The following NUDCD3 variants were observed in gnomAD, a reference collection of about 807,000 sequenced individuals.
The protein encoded by NUDCD3 is NudC domain containing 3, also known as nudC domain-containing protein 3.
A neutral mutation model predicts 39.7 loss-of-function variants in NUDCD3; 13 were observed. The ratio of observed to expected loss-of-function variants is 0.33; its 90% CI spans 0.21 to 0.52. The LOEUF is 0.52. Ranked by LOEUF, NUDCD3 falls within the 20% of genes least tolerant of loss-of-function variation. The pLI, the probability that NUDCD3 is intolerant of heterozygous loss-of-function variation, is 0.96. For missense variants in NUDCD3, 453 were observed against 458.1 expected (o/e 0.99, Z 0.10); for synonymous variants, 175 against 172.4 (o/e 1.02, Z -0.12).
intron 1 of NUDCD3, among the ~76,000 whole-genome samples, chr7:44,488,446 T>C (rs1000899668): frequency 6.6e-6 from 1 of 152,082 alleles, no homozygotes. Flanking sequence ...CTGGAGACTG[T>C]TGTCCCCTTG....
At chr7:44,455,809 G>A (rs895732378) in intron 2 of NUDCD3, among the ~76,000 whole-genome samples, 25 of 151,684 alleles carry the variant, frequency 1.6e-4, no homozygotes, top group South Asian at 2.1e-4. Flanking sequence ...GGCGGATCAC[G>A]AGGTCAGGAG....
chr7:44,469,488 T>C (rs2116962609), intron 2 of NUDCD3, among the ~76,000 whole-genome samples: 1 of 152,294 alleles, frequency 6.6e-6, no homozygotes, highest in South Asian at 2.1e-4. Flanking sequence ...GTAATAATTG[T>C]TTCAGGCAAG....
chr7:44,462,990 T>C (rs1585095839), intron 2 of NUDCD3, among the ~76,000 whole-genome samples: 1 of 135,870 alleles, frequency 7.4e-6, no homozygotes, highest in South Asian at 2.3e-4. Context: ...TGTGTGTGTG[T>C]ATACACAAAG....
intron 4 of NUDCD3, among the ~76,000 whole-genome samples, chr7:44,396,289 A>G (rs1007065850): frequency 4.6e-5 from 7 of 152,228 alleles, no homozygotes; most frequent in Non-Finnish European, 8.8e-5. Context: ...GGCAGCAAAC[A>G]GGACCTGAGG....
intron 3 of NUDCD3, chr7:44,426,424 C>T (rs1799236744): frequency 6.6e-6 from 1 of 152,258 alleles, no homozygotes. Context: ...CCAAGTCAAC[C>T]TTAGAAAAGA....
intron 2 of NUDCD3, among the ~76,000 whole-genome samples, chr7:44,467,192 A>C (rs1368804478): frequency 1.3e-5 from 2 of 152,210 alleles, no homozygotes; most frequent in African/African-American, 4.8e-5. Context: ...AAGATAGAAA[A>C]GTTATGACAG....
intron 3 of NUDCD3, among the ~76,000 whole-genome samples, chr7:44,410,262 A>G (rs1798897861): frequency 6.6e-6 from 1 of 152,224 alleles, no homozygotes; most frequent in South Asian, 2.1e-4. Context: ...AACAGAACAA[A>G]AACAAGGAAT....
rs1406792885 is a variant in NUDCD3 at position 44,490,510 on chromosome 7, A to G, written c.91T>C (p.Phe31Leu). Residue 31 changes from phenylalanine (F) to leucine (L), a missense_variant, in exon 1 of 6, where the codon TTT becomes CTT. Phe to Leu is a conservative substitution (Grantham distance 22). Coordinates refer to ENST00000355451, the MANE Select transcript of NUDCD3 (RefSeq NM_015332.4). ...TCTGTCTTGCGGTAGAGGAAGCCAA[A>G]GAGAACGCGCAGGAAATCCTGGACG... ...GNVQDFLRVL[F>L]GFLYRKTDFY... The G allele has an allele frequency of 6.2e-7, 1 of 1,611,438 alleles. No individual in the cohort carries two copies. Among genetic ancestry groups the G allele is most frequent in the African/African-American group, 1.3e-5 (1 of 74,738 alleles).
At chr7:44,452,453 A>T (rs1434906084) in intron 2 of NUDCD3, among the ~76,000 whole-genome samples, 1 of 152,116 alleles carries the variant, frequency 6.6e-6, no homozygotes, top group Non-Finnish European at 1.5e-5. Flanking sequence ...GGACTCCTTT[A>T]CTCATTTAAG....
intron 5 of NUDCD3, among the ~76,000 whole-genome samples, 196 bp downstream of exon 5, chr7:44,392,101 A>C (rs890572840): frequency 2.0e-5 from 3 of 152,212 alleles, no homozygotes; most frequent in Non-Finnish European, 2.9e-5. Context: ...CAGCTGAAAG[A>C]CCAGAGTGCA....
chr7:44,473,936 A>G (rs1193534249), intron 2 of NUDCD3, among the ~76,000 whole-genome samples: 1 of 152,238 alleles, frequency 6.6e-6, no homozygotes, highest in Non-Finnish European at 1.5e-5. Context: ...TGATTCAAAC[A>G]AAACTTTCTT....
chr7:44,406,303 C>T (rs779388712), intron 3 of NUDCD3, among the ~76,000 whole-genome samples: 4 of 152,314 alleles, frequency 2.6e-5, no homozygotes, highest in South Asian at 2.1e-4. Context: ...GAATTTACCA[C>T]GGAAAAGGGT....
rs1374800708 is a variant in NUDCD3 at position 44,422,364 on chromosome 7, A to T, written c.642+5207T>A. 2.0e-5 allele frequency among the ~76,000 whole-genome samples: 3 copies of T among 152,242 alleles called. No individual in the cohort carries two copies. The East Asian group carries it at 5.8e-4, about 29-fold the overall frequency. ...AATGAATCCAGGAGCTGTTTTTTTT[A>T]AAAGATTAACAAAATAGACCACTAA... On this transcript the variant is annotated intron_variant, in intron 3 of 5. Transcript: ENST00000355451.
chr7:44,490,355 GT>G, intron 1 of NUDCD3, 53 bp downstream of exon 1: 1 of 1,454,344 alleles, frequency 6.9e-7, no homozygotes, highest in Non-Finnish European at 9.0e-7. Flanking sequence ...GGCGCCAGGA[GT>G]CAGGGCAGGC....
chr7:44,484,380 T>C (rs1227147368), intron 2 of NUDCD3: 1 of 152,494 alleles, frequency 6.6e-6, no homozygotes, highest in Non-Finnish European at 1.5e-5. Flanking sequence ...CAAGCTCTAC[T>C]GCTCATTAGC....
chr7:44,464,613 C>G (rs1312806113), intron 2 of NUDCD3, among the ~76,000 whole-genome samples: 1 of 152,208 alleles, frequency 6.6e-6, no homozygotes, highest in Admixed American at 6.5e-5. Context: ...ACCACCAAAC[C>G]CAGCTAATTT....
rs57243207 is a variant in NUDCD3 at position 44,393,865 on chromosome 7, C to T, written c.787-1380G>A. The stretch of plus-strand genomic sequence containing the variant: ...AGGGTAACTGTGACACTCAAGAGGT[C>T]ACAGTGAGTCCACAGGACACCACGT... On this transcript the variant is annotated intron_variant, in intron 4 of 5. Coordinates refer to ENST00000355451, the MANE Select transcript of NUDCD3 (RefSeq NM_015332.4). Among the ~76,000 whole-genome samples the T allele has an allele frequency of 8.9e-4, 136 of 152,238 alleles. No homozygotes were observed. In the East Asian group the frequency reaches 0.024, roughly 27 times the overall value.
At chr7:44,473,245 C>A (rs1800292809) in intron 2 of NUDCD3, among the ~76,000 whole-genome samples, 1 of 152,186 alleles carries the variant, frequency 6.6e-6, no homozygotes, top group African/African-American at 2.4e-5. Context: ...AGCAAGGACC[C>A]AAGCATTTTA....
At chr7:44,446,202 T>C (rs759335857) in intron 2 of NUDCD3, among the ~76,000 whole-genome samples, 3 of 152,208 alleles carry the variant, frequency 2.0e-5, no homozygotes, top group Non-Finnish European at 4.4e-5. Flanking sequence ...TGTGTAGTCA[T>C]ACTCTCATGA....
Sources: gnomAD v4.1 joint callset for allele counts (sites outside exome capture counted in the v4.1 genomes callset) on GRCh38, gnomAD v4.1.1 for gene constraint, MANE v1.5 for transcripts, NCBI Gene and HGNC (gene_info 2026-07-23, HGNC 2026-07-21) for gene names.